GRK5: variants seen among roughly 807,000 people sequenced by gnomAD.
GRK5 encodes G protein-coupled receptor kinase 5.
A neutral mutation model predicts 78.4 loss-of-function variants in GRK5; 40 were observed. The observed-to-expected ratio is 0.51, with a 90% CI of 0.40 to 0.66. The LOEUF is 0.66. Among genes scored for constraint, GRK5 ranks in the 30% least tolerant of loss-of-function variants. The pLI is 0.00. For synonymous variants in GRK5, 289 were observed against 296.8 expected, an observed-to-expected ratio of 0.97 and a Z score of 0.27; for missense variants, 598 against 759.9, an observed-to-expected ratio of 0.79 and a Z score of 2.50.
intron 1 of GRK5, among the ~76,000 whole-genome samples, chr10:119,273,966 G>T (rs535665983): frequency 6.6e-6 from 1 of 152,164 alleles, no homozygotes; most frequent in African/African-American, 2.4e-5. Flanking sequence ...TAGAGACAGG[G>T]TTTCACCATG....
chr10:119,337,512 T>G (rs1850911134), intron 2 of GRK5, among the ~76,000 whole-genome samples: 1 of 152,120 alleles, frequency 6.6e-6, no homozygotes, highest in African/African-American at 2.4e-5. Context: ...GGGTTTGCTG[T>G]CATTATTTGG....
In GRK5 at chr10:119,238,650, G is replaced by A. The variant is rs1361371989; in HGVS notation, c.52+30681G>A. Among the ~76,000 whole-genome samples the A allele has an allele frequency of 1.3e-5, 2 of 152,142 alleles. No individual in the cohort carries two copies. The highest frequency in any genetic ancestry group is 1.3e-4 in the Admixed American group (2 of 15,278). On this transcript the variant is annotated intron_variant, in intron 1 of 15. Coordinates refer to ENST00000392870, the MANE Select transcript of GRK5 (RefSeq NM_005308.3). This position sits in a 1 kb window ranked among gnomAD's most constrained non-coding sequence, Gnocchi z 4.7. ...ACCTGAGCTTCAGTGCCAGAGAGTC[G>A]AGCAAAGAGAATATCACTTTTACTT...
Position 119,238,419 on chromosome 10 carries a change from G to A in GRK5, c.52+30450G>A, listed in dbSNP as rs1848967956. 6.6e-6 allele frequency among the ~76,000 whole-genome samples: 1 copy of A among 152,136 alleles called. No homozygotes were observed. Among genetic ancestry groups the A allele is most frequent in the South Asian group, 2.1e-4 (1 of 4,828 alleles). ...AGGGTGTGGCCCTGCCTGGCACTGG[G>A]ATGGACCCAATGGTCTCCCCAGCCT... is the stretch of plus-strand genomic sequence containing the variant. On this transcript the variant is annotated intron_variant, in intron 1 of 15. Coordinates refer to ENST00000392870, the MANE Select transcript of GRK5 (RefSeq NM_005308.3). The surrounding 1 kb of genome is among the most constrained non-coding windows in gnomAD (Gnocchi z 4.7).
At chr10:119,450,871 C>T (rs962885148) in intron 13 of GRK5, among the ~76,000 whole-genome samples, 3 of 152,086 alleles carry the variant, frequency 2.0e-5, no homozygotes, top group African/African-American at 7.2e-5. Context: ...GGTTGCAGGC[C>T]CTGGAGTGCG....
chr10:119,449,778 G>A (rs1039892871), intron 13 of GRK5, among the ~76,000 whole-genome samples: 4 of 152,206 alleles, frequency 2.6e-5, no homozygotes, highest in Non-Finnish European at 4.4e-5. Flanking sequence ...GACGGAGCGA[G>A]ACTGCATCTC....
intron 2 of GRK5, among the ~76,000 whole-genome samples, chr10:119,337,062 A>T (rs1850902031): frequency 6.6e-6 from 1 of 152,176 alleles, no homozygotes; most frequent in Non-Finnish European, 1.5e-5. Flanking sequence ...TTTACAGATC[A>T]CCTGGAGTTG....
intron 1 of GRK5, among the ~76,000 whole-genome samples, chr10:119,305,190 A>G (rs1850253243): frequency 6.6e-6 from 1 of 152,062 alleles, no homozygotes; most frequent in Non-Finnish European, 1.5e-5. Context: ...TCTGAGCTCC[A>G]GAGTCCCGTG....
intron 1 of GRK5, among the ~76,000 whole-genome samples, chr10:119,219,498 A>G (rs1373085736): frequency 1.3e-5 from 2 of 152,222 alleles, no homozygotes; most frequent in African/African-American, 4.8e-5. Flanking sequence ...AGCATTTCAG[A>G]TAAGGGATAC....
Position 119,275,921 on chromosome 10 carries a change from C to T in GRK5, c.53-50595C>T, listed in dbSNP as rs1004730227. On this transcript the variant is annotated intron_variant, in intron 1 of 15. Transcript: ENST00000392870. ...GTCTCGCTAAGCAATACTGCAAACA[C>T]AGACAGTGACCCGATTTTCCATAGC... Among the ~76,000 whole-genome samples, 5 of 152,288 alleles carry T rather than the reference C, an allele frequency of 3.3e-5. No individual in the cohort carries two copies. The South Asian group carries it at 1.0e-3, about 32-fold the overall frequency.
chr10:119,365,763 C>T (rs1411737418), intron 2 of GRK5, among the ~76,000 whole-genome samples: 3 of 152,344 alleles, frequency 2.0e-5, no homozygotes, highest in East Asian at 3.9e-4. Context: ...TTCCCCTCAA[C>T]ACACCCTTTC....
At chr10:119,291,543 C>CTCCTCCTCCTCTTCCTCCTCCTCCTCT (rs1849956111) in intron 1 of GRK5, among the ~76,000 whole-genome samples, 2 of 147,486 alleles carry the variant, frequency 1.4e-5, no homozygotes, top group African/African-American at 5.0e-5. Context: ...CCTCCTCTTC[C>CTCCTCCTCCTCTTCCTCCTCCTCCTCT]TCCTCCTCCT....
chr10:119,276,206 T>A (rs1849667003), intron 1 of GRK5, among the ~76,000 whole-genome samples: 1 of 152,180 alleles, frequency 6.6e-6, no homozygotes, highest in African/African-American at 2.4e-5. Flanking sequence ...CATGCTGGTG[T>A]GCTGCACCCA....
At chr10:119,290,363 A>C (rs888265334) in intron 1 of GRK5, among the ~76,000 whole-genome samples, 19 of 128,632 alleles carry the variant, frequency 1.5e-4, no homozygotes, top group Admixed American at 3.5e-4. Flanking sequence ...AAAAAAAAAA[A>C]CAAAAAACAA....
intron 1 of GRK5, among the ~76,000 whole-genome samples, chr10:119,289,927 T>G (rs1196654402): frequency 6.6e-6 from 1 of 152,214 alleles, no homozygotes; most frequent in Non-Finnish European, 1.5e-5. Flanking sequence ...TTTAAAACTT[T>G]ATGGTCAGCT....
intron 15 of GRK5, among the ~76,000 whole-genome samples, chr10:119,454,079 C>T (rs1044682729): frequency 2.0e-5 from 3 of 152,238 alleles, no homozygotes; most frequent in African/African-American, 2.4e-5. Flanking sequence ...GCTCCTTCCT[C>T]CTCTCCACAA....
At chr10:119,442,211 A>G in intron 11 of GRK5, 123 bp downstream of exon 11, 1 of 795,540 alleles carries the variant, frequency 1.3e-6, no homozygotes. Flanking sequence ...TCACACACAG[A>G]GTCACAGTCT....
At chr10:119,245,254 G>A (rs1464779856) in intron 1 of GRK5, among the ~76,000 whole-genome samples, 1 of 152,092 alleles carries the variant, frequency 6.6e-6, no homozygotes, top group Non-Finnish European at 1.5e-5. Context: ...CTGCAGCCTG[G>A]CGACAGAGCA....
rs1254373322 is a variant in GRK5 at position 119,271,808 on chromosome 10, G to A, written c.53-54708G>A. 6.6e-5 allele frequency among the ~76,000 whole-genome samples: 10 copies of A among 152,204 alleles called. No individual in the cohort carries two copies. The highest frequency in any genetic ancestry group is 1.5e-4 in the Non-Finnish European group (10 of 68,050). On this transcript the variant is annotated intron_variant, in intron 1 of 15. Transcript: ENST00000392870. This position sits in a 1 kb window ranked among gnomAD's most constrained non-coding sequence, Gnocchi z 4.1. ...CCAGCACTTTGATTAGCTGTGTGACGTTGGGGAAGTTGCTTGCCTAATATG... is the reference window on the plus strand; with the variant it reads ...CCAGCACTTTGATTAGCTGTGTGACATTGGGGAAGTTGCTTGCCTAATATG...
chr10:119,358,485 C>T (rs79936391), intron 2 of GRK5, among the ~76,000 whole-genome samples: 2,673 of 152,284 alleles, frequency 0.018, 32 homozygotes, highest in Middle Eastern at 0.027. Flanking sequence ...TCTCCTGGTC[C>T]TGGTCCCCTT....
Sources: gnomAD v4.1 joint callset for allele counts (sites outside exome capture counted in the v4.1 genomes callset) on GRCh38, gnomAD v4.1.1 for gene constraint, Gnocchi (gnomAD v3.1) non-coding constraint, MANE v1.5 for transcripts, NCBI Gene and HGNC (gene_info 2026-07-23, HGNC 2026-07-21) for gene names.